Variants in VPS13D observed in about 807,000 individuals in gnomAD.
The protein encoded by VPS13D is vacuolar protein sorting 13 homolog D, also known as intermembrane lipid transfer protein VPS13D.
VPS13D carries 187 observed loss-of-function variants against 461.9 expected under a neutral mutation model. That is an observed-to-expected ratio of 0.40 (90% CI 0.36 to 0.46). The LOEUF is 0.46. Ranked by LOEUF, VPS13D falls within the 20% of genes least tolerant of loss-of-function variation. The probability of loss-of-function intolerance (pLI) is 0.60; values close to 1 mark genes in which losing one functional copy is unlikely to be tolerated. For missense variants in VPS13D, 4,711 were observed against 5,364.9 expected, an observed-to-expected ratio of 0.88 and a Z score of 3.81; for synonymous variants, 1,951 against 1,986.3, an observed-to-expected ratio of 0.98 and a Z score of 0.47.
rs1300565204 is a variant in VPS13D at position 12,329,923 on chromosome 1, G to A, written c.8287+5G>A. 2.0e-6 allele frequency: 3 copies of A among 1,465,978 alleles called. No individual in the cohort carries two copies. Among genetic ancestry groups the A allele is most frequent in the Admixed American group, 3.6e-5 (2 of 55,192 alleles). The allele number at this position is 1,465,978 out of a possible 1,614,324, so 90.8% of individuals were successfully genotyped here. ...ATTATAACCGTGCTCTTTCAGGTCA[G>A]TATAAAGCATATGTTATCATGGGAT... is the stretch of plus-strand genomic sequence containing the variant. On this transcript the variant is annotated splice_donor_5th_base_variant and intron_variant, in intron 37 of 69. Transcript: ENST00000620676.
chr1:12,338,300 C>T lies in VPS13D; in HGVS notation c.8621C>T (p.Ala2874Val). The T allele has an allele frequency of 6.2e-7, 1 of 1,613,372 alleles. No individual in the cohort carries two copies. Among genetic ancestry groups the T allele is most frequent in the African/African-American group, 1.3e-5 (1 of 75,034 alleles). ...SLTNLEHQIY[A>V]RAEVKTPKRR... is the part of the protein sequence containing the mutation. ...ACTAACCTAGAGCACCAGATCTATG[C>T]TAGAGGTACAGTATAGCCAAGCGAG... The change falls in exon 40 of 70, where the codon GCT (alanine) becomes GTT (valine). Residue 2874 changes from alanine (A) to valine (V), a missense_variant. Physicochemically the swap from Ala to Val is moderately conservative, Grantham distance 64 (BLOSUM62 0). Transcript: ENST00000620676.
chr1:12,261,523 T>C (rs183997247), intron 12 of VPS13D, among the ~76,000 whole-genome samples: 7 of 152,346 alleles, frequency 4.6e-5, no homozygotes, highest in Non-Finnish European at 1.0e-4. Flanking sequence ...AAGTAAAAAT[T>C]TAGTTTCTTA....
intron 60 of VPS13D, among the ~76,000 whole-genome samples, chr1:12,389,554 A>G (rs1644395361): frequency 6.6e-6 from 1 of 152,218 alleles, no homozygotes; most frequent in South Asian, 2.1e-4. Context: ...AAATGAAGAT[A>G]TTTTCTTAGT....
rs185368335 is a variant in VPS13D at position 12,507,837 on chromosome 1, C to T, written c.13035+744C>T. 2.6e-5 allele frequency among the ~76,000 whole-genome samples: 4 copies of T among 152,356 alleles called. No individual in the cohort carries two copies. The highest frequency in any genetic ancestry group is 3.9e-4 in the East Asian group (2 of 5,186). ...TCTTGCGGATCTGTCTCTGGCCAGTCGGCCCTGGAGGCTTGCCATGACACC... is the reference window on the plus strand; with the variant it reads ...TCTTGCGGATCTGTCTCTGGCCAGTTGGCCCTGGAGGCTTGCCATGACACC... On this transcript the variant is annotated intron_variant, in intron 69 of 69. Coordinates refer to ENST00000620676, the MANE Select transcript of VPS13D (RefSeq NM_015378.4). This position sits in a 1 kb window ranked among gnomAD's most constrained non-coding sequence, Gnocchi z 5.3.
chr1:12,236,180 C>G (rs1261275203), intron 2 of VPS13D, among the ~76,000 whole-genome samples: 2 of 152,044 alleles, frequency 1.3e-5, no homozygotes, highest in East Asian at 3.8e-4. Flanking sequence ...TAGAACAATG[C>G]TTTTTCTTTT....
intron 67 of VPS13D, among the ~76,000 whole-genome samples, chr1:12,462,912 CCTCAT>C (rs1404573632): frequency 6.6e-6 from 1 of 152,172 alleles, no homozygotes; most frequent in Non-Finnish European, 1.5e-5. Context: ...ACTGGCCACT[CCTCAT>C]CTCAGCCCAA....
chr1:12,433,112 G>A (rs1645013906), intron 65 of VPS13D, among the ~76,000 whole-genome samples: 1 of 152,192 alleles, frequency 6.6e-6, no homozygotes. Flanking sequence ...TGAGCCAGGG[G>A]CCACCCTCTT....
rs1191981132 is a variant in VPS13D at position 12,385,286 on chromosome 1, C to T, written c.11397C>T (p.Ser3799=). 6.2e-7 allele frequency: 1 copy of T among 1,613,836 alleles called. No individual in the cohort carries two copies. The highest frequency in any genetic ancestry group is 1.7e-5 in the Admixed American group (1 of 59,986). The change falls in exon 59 of 70, where the codon AGC becomes AGT. Residue 3799 remains serine (S), a synonymous_variant. Transcript: ENST00000620676. The part of the protein sequence containing the change: ...LQITDFCHRK[S]SRSYEVDELP... ...TAACAGATTTCTGCCACCGGAAAAGCAGCCGTTCATATGAAGTGGATGAAC... is the reference window on the plus strand; with the variant it reads ...TAACAGATTTCTGCCACCGGAAAAGTAGCCGTTCATATGAAGTGGATGAAC...
intron 65 of VPS13D, among the ~76,000 whole-genome samples, chr1:12,448,823 C>G (rs1412565663): frequency 6.6e-6 from 1 of 152,152 alleles, no homozygotes; most frequent in Non-Finnish European, 1.5e-5. Flanking sequence ...TGCTTCAAAC[C>G]ACTCTGAGCT....
At chr1:12,314,004 T>G in intron 29 of VPS13D, 111 bp from the exon 30 acceptor site, 1 of 861,076 alleles carries the variant, frequency 1.2e-6, no homozygotes, top group Admixed American at 2.3e-5. Context: ...TTATTCTCCT[T>G]ATGGGACTTA....
Position 12,283,461 on chromosome 1 carries a change from A to T in VPS13D, c.5359A>T (p.Ile1787Phe). 6.2e-7 allele frequency: 1 copy of T among 1,614,260 alleles called. No homozygotes were observed. The highest frequency in any genetic ancestry group is 8.5e-7 in the Non-Finnish European group (1 of 1,180,038). ...KSKFDDSLVHINIFLVDKKHP... is the reference protein window; with the variant it reads ...KSKFDDSLVHFNIFLVDKKHP... Reference sequence around the variant, plus strand: ...TAAATTTGATGATTCCTTAGTCCACATCAACATATTCTTGGTAGATAAGAA... The same window carrying T: ...TAAATTTGATGATTCCTTAGTCCACTTCAACATATTCTTGGTAGATAAGAA... The change falls in exon 21 of 70, where the codon ATC becomes TTC. Residue 1787 changes from isoleucine (I) to phenylalanine (F), a missense_variant. Physicochemically the swap from Ile to Phe is conservative, Grantham distance 21. Transcript: ENST00000620676.
chr1:12,389,136 G>A (rs1371623904), intron 60 of VPS13D, among the ~76,000 whole-genome samples: 10 of 152,224 alleles, frequency 6.6e-5, no homozygotes, highest in Non-Finnish European at 1.5e-4. Flanking sequence ...ATGGGAGAAA[G>A]ATGTAGGCTG....
chr1:12,469,881 G>C (rs934219960), intron 67 of VPS13D, among the ~76,000 whole-genome samples: 1 of 152,158 alleles, frequency 6.6e-6, no homozygotes, highest in Admixed American at 6.5e-5. Flanking sequence ...CTTGTCCAAA[G>C]GCTGCTTGGT....
Position 12,318,097 on chromosome 1 carries a change from A to G in VPS13D, c.7174A>G (p.Thr2392Ala). The change falls in exon 31 of 70, where the codon ACA becomes GCA. Residue 2392 changes from threonine (T) to alanine (A), a missense_variant. By Grantham distance (58) the Thr-to-Ala change is moderately conservative. Transcript: ENST00000620676. ...ATCTACCAAGGATTCCTCCTGCTTT[A>G]CAGTAGTTCTCAACAATCTCCGTGT... ...FRSTKDSSCFTVVLNNLRVFL... is the reference protein window; with the variant it reads ...FRSTKDSSCFAVVLNNLRVFL... 6.2e-7 allele frequency: 1 copy of G among 1,613,466 alleles called. No individual in the cohort carries two copies. Among genetic ancestry groups the G allele is most frequent in the Non-Finnish European group, 8.5e-7 (1 of 1,179,518 alleles).
At chr1:12,285,337 C>T (rs1641935001) in intron 21 of VPS13D, among the ~76,000 whole-genome samples, 3 of 149,992 alleles carry the variant, frequency 2.0e-5, no homozygotes. Flanking sequence ...GTCGCCCAGG[C>T]TGGAGTGCAG....
rs1315948439 is a variant in VPS13D, at chr1:12,363,085, C to G, written c.10286C>G (p.Pro3429Arg). The G allele has an allele frequency of 6.2e-7, 1 of 1,614,020 alleles. No homozygotes were observed. Among genetic ancestry groups the G allele is most frequent in the Non-Finnish European group, 8.5e-7 (1 of 1,179,986 alleles). Residue 3429 changes from proline to arginine, a missense_variant, in exon 52 of 70, where the codon CCC (proline) becomes CGC (arginine). By Grantham distance (103) the Pro-to-Arg change is moderately radical. Around this residue, in one of 3 missense-constraint regions of VPS13D, gnomAD observed 4,411 missense variants for 4,937.8 expected, o/e 0.89. Coordinates refer to ENST00000620676, the MANE Select transcript of VPS13D (RefSeq NM_015378.4). ...TATGTGTTTTAGGGAACAGCCAATC[C>G]CGAAGGTTACATTTCCACCCTTCCT... ...EFARGQGTAN[P>R]EGYISTLPGS...
intron 54 of VPS13D, among the ~76,000 whole-genome samples, chr1:12,371,931 C>T (rs2101630584): frequency 6.6e-6 from 1 of 152,248 alleles, no homozygotes. Flanking sequence ...CTAAGTTTAA[C>T]TTTTTGAGGA....
chr1:12,480,448 G>C (rs1264555135), intron 67 of VPS13D, among the ~76,000 whole-genome samples: 1 of 152,184 alleles, frequency 6.6e-6, no homozygotes, highest in Non-Finnish European at 1.5e-5. Flanking sequence ...CCAACCCAGA[G>C]ATTGTTGGAT....
intron 9 of VPS13D, among the ~76,000 whole-genome samples, chr1:12,257,374 G>A (rs1640954952): frequency 6.6e-6 from 1 of 152,178 alleles, no homozygotes; most frequent in African/African-American, 2.4e-5. Context: ...GGGATCTGGT[G>A]TGTATTATAA....
Sources: gnomAD v4.1 joint callset for allele counts (sites outside exome capture counted in the v4.1 genomes callset) on GRCh38, gnomAD v4.1.1 for gene constraint, gnomAD v4.1.1 regional missense constraint, Gnocchi (gnomAD v3.1) non-coding constraint, MANE v1.5 for transcripts, NCBI Gene and HGNC (gene_info 2026-07-23, HGNC 2026-07-21) for gene names.